The following DAPP1 variants were observed in gnomAD, a reference collection of about 807,000 sequenced individuals.
The protein encoded by DAPP1 is dual adapter for phosphotyrosine and 3-phosphotyrosine and 3-phosphoinositide.
In DAPP1, 20 loss-of-function variants were observed where a neutral mutation model predicts 41.5. That is an observed-to-expected ratio of 0.48 (90% CI 0.34 to 0.70). The LOEUF is 0.70. Ranked by LOEUF, DAPP1 falls within the 30% of genes least tolerant of loss-of-function variation. The probability of loss-of-function intolerance (pLI) is 0.01; values close to 1 mark genes in which losing one functional copy is unlikely to be tolerated. For synonymous variants in DAPP1, 113 were observed against 116.2 expected, an observed-to-expected ratio of 0.97 and a Z score of 0.18; for missense variants, 233 against 333.4, an observed-to-expected ratio of 0.70 and a Z score of 2.35.
At chr4:99,817,238 G>A (rs948029160) in intron 1 of DAPP1, among the ~76,000 whole-genome samples, 2 of 152,168 alleles carry the variant, frequency 1.3e-5, no homozygotes, top group African/African-American at 4.8e-5. Flanking sequence ...GTGAAAACAA[G>A]TTGGTTGAGA....
Position 99,835,763 on chromosome 4 carries a change from T to C in DAPP1, c.224+18T>C. ...TCTGTGAGGTAAGGTGCTTCAGGGC[T>C]CTACGACTTCAGCATGGGCTCCTCT... On this transcript the variant is annotated intron_variant, in intron 2 of 8. Transcript: ENST00000512369. 1.9e-6 allele frequency: 3 copies of C among 1,611,018 alleles called. No homozygotes were observed. Among genetic ancestry groups the C allele is most frequent in the Non-Finnish European group, 2.5e-6 (3 of 1,178,836 alleles).
At chr4:99,832,855 G>C (rs1364947711) in intron 1 of DAPP1, among the ~76,000 whole-genome samples, 1 of 147,520 alleles carries the variant, frequency 6.8e-6, no homozygotes, top group Admixed American at 6.8e-5. Context: ...GGAATTTTGC[G>C]AATCAAATAT....
At chr4:99,818,442 G>T (rs1449707401) in intron 1 of DAPP1, among the ~76,000 whole-genome samples, 1 of 152,188 alleles carries the variant, frequency 6.6e-6, no homozygotes, top group South Asian at 2.1e-4. Context: ...GGAGGAGATA[G>T]AGGAATATAT....
rs370408937 is a variant in DAPP1, at chr4:99,863,001, T to G, written c.538-9T>G. Reference sequence around the variant, plus strand: ...TCTGTGTGTTTGTGTGTGTGTGTGTTTTTCTCAGACCTGGAAAACAAGATG... The same window carrying G: ...TCTGTGTGTTTGTGTGTGTGTGTGTGTTTCTCAGACCTGGAAAACAAGATG... On this transcript the variant is annotated splice_polypyrimidine_tract_variant and intron_variant, in intron 5 of 8. Transcript: ENST00000512369. 46 of 1,585,330 alleles carry G rather than the reference T, an allele frequency of 2.9e-5. No homozygotes were observed. The African/African-American group carries it at 6.1e-4, about 21-fold the overall frequency.
Position 99,857,735 on chromosome 4 carries a change from CAT to C in DAPP1, c.490-3841_490-3840del, listed in dbSNP as rs543396105. On this transcript the variant is annotated intron_variant, in intron 4 of 8. Coordinates refer to ENST00000512369, the MANE Select transcript of DAPP1 (RefSeq NM_014395.3). ...ACACACACACACACACACACACACA[CAT>C]AAAATAATGAGCTCTTCATTGTAGA... 2.9e-4 allele frequency among the ~76,000 whole-genome samples: 42 copies of C among 145,366 alleles called. No homozygotes were observed. The East Asian group carries it at 7.8e-3, about 27-fold the overall frequency.
In DAPP1 at chr4:99,857,652, C is replaced by T. The variant is rs1478880346; in HGVS notation, c.490-3926C>T. On this transcript the variant is annotated intron_variant, in intron 4 of 8. Transcript: ENST00000512369. ...TCTTCTCAGGTTTAACATTTTGTTG[C>T]TTATCCTTTCAGTCTTTTACTTGAA... is the stretch of plus-strand genomic sequence containing the variant. 5.4e-5 allele frequency among the ~76,000 whole-genome samples: 8 copies of T among 148,312 alleles called. No individual in the cohort carries two copies. In the Admixed American group the frequency reaches 5.4e-4, roughly 10 times the overall value.
intron 4 of DAPP1, among the ~76,000 whole-genome samples, chr4:99,859,772 C>G (rs1293732721): frequency 6.6e-6 from 1 of 152,198 alleles, no homozygotes; most frequent in Non-Finnish European, 1.5e-5. Flanking sequence ...CAACTTGGCT[C>G]TGAAACTGTG....
intron 8 of DAPP1, chr4:99,866,766 ATTTTTTTTTTTT>A: frequency 2.7e-6 from 1 of 371,242 alleles, no homozygotes; most frequent in Non-Finnish European, 4.6e-6. Flanking sequence ...CTTTTTTTCT[ATTTTTTTTTTTT>A]TTTTTTTTTG....
At chr4:99,858,139 A>T (rs79997393) in intron 4 of DAPP1, among the ~76,000 whole-genome samples, 3,479 of 152,258 alleles carry the variant, frequency 0.023, 138 homozygotes, top group African/African-American at 0.079. Flanking sequence ...TCATCCACAG[A>T]TCTCATTCAA....
intron 1 of DAPP1, among the ~76,000 whole-genome samples, chr4:99,828,342 G>C (rs553096168): frequency 1.3e-5 from 2 of 152,170 alleles, no homozygotes; most frequent in Non-Finnish European, 2.9e-5. Flanking sequence ...CCTATAGAAA[G>C]ATAGGTGTTA....
chr4:99,829,763 A>T (rs1723058390), intron 1 of DAPP1, among the ~76,000 whole-genome samples: 1 of 151,996 alleles, frequency 6.6e-6, no homozygotes, highest in Non-Finnish European at 1.5e-5. Flanking sequence ...TTATCATTCC[A>T]TTCCCCCATA....
chr4:99,859,826 C>A (rs531039548), intron 4 of DAPP1, among the ~76,000 whole-genome samples: 135 of 152,324 alleles, frequency 8.9e-4, no homozygotes, highest in African/African-American at 3.2e-3. Context: ...GCCCTCCACA[C>A]CCTGCCAGGC....
At chr4:99,862,225 A>G (rs1218227986) in intron 5 of DAPP1, among the ~76,000 whole-genome samples, 1 of 152,182 alleles carries the variant, frequency 6.6e-6, no homozygotes, top group Non-Finnish European at 1.5e-5. Context: ...GCTTGGAATT[A>G]GCCTAAATAA....
At chr4:99,819,458 C>T (rs1313240592) in intron 1 of DAPP1, among the ~76,000 whole-genome samples, 1 of 152,176 alleles carries the variant, frequency 6.6e-6, no homozygotes, top group Non-Finnish European at 1.5e-5. Context: ...CCTGCAGCAC[C>T]TCACTGATAC....
In DAPP1 at chr4:99,868,122, A is replaced by C. The variant is rs867048585; in HGVS notation, c.780A>C (p.Gln260His). ...WIKILRWKLSQIRKQLNQGEG... is the reference protein window; with the variant it reads ...WIKILRWKLSHIRKQLNQGEG... ...GTGTGTGTACTTTATTACAGTCACA[A>C]ATAAGAAAACAGCTCAACCAAGGGG... Residue 260 changes from glutamine (Q) to histidine (H), a missense_variant, in exon 9 of 9, where the codon CAA becomes CAC. Gln to His is a conservative substitution (Grantham distance 24). Transcript: ENST00000512369. 6.2e-7 allele frequency: 1 copy of C among 1,613,836 alleles called. No homozygotes were observed.
At chr4:99,848,862 G>C (rs564602214) in intron 3 of DAPP1, among the ~76,000 whole-genome samples, 1 of 152,278 alleles carries the variant, frequency 6.6e-6, no homozygotes. Context: ...TCAGGTATTC[G>C]AGGGCCGGGC....
chr4:99,861,615 G>T lies in DAPP1; in HGVS notation c.527G>T (p.Gly176Val), dbSNP rs1400705615. Residue 176 changes from glycine to valine, a missense_variant, in exon 5 of 9, where the codon GGC becomes GTC. Physicochemically the swap from Gly to Val is moderately radical, Grantham distance 109. Transcript: ENST00000512369. Reference sequence around the variant, plus strand: ...GAAGGTTACCTCACCAAACAGGGAGGCCTGGTCAAGGTAAGGAAGTGTGGT... The same window carrying T: ...GAAGGTTACCTCACCAAACAGGGAGTCCTGGTCAAGGTAAGGAAGTGTGGT... ...TKEGYLTKQG[G>V]LVKTWKTRWF... is the part of the protein sequence containing the mutation. The T allele has an allele frequency of 6.4e-7, 1 of 1,573,458 alleles. No individual in the cohort carries two copies. The highest frequency in any genetic ancestry group is 8.6e-7 in the Non-Finnish European group (1 of 1,158,344).
chr4:99,846,619 A>G (rs1422124885), intron 3 of DAPP1, among the ~76,000 whole-genome samples: 1 of 152,250 alleles, frequency 6.6e-6, no homozygotes, highest in African/African-American at 2.4e-5. Context: ...AATAATAAAG[A>G]ATTAGTTTAG....
chr4:99,845,776 G>T (rs566755395), intron 3 of DAPP1, among the ~76,000 whole-genome samples: 2 of 152,280 alleles, frequency 1.3e-5, no homozygotes, highest in African/African-American at 4.8e-5. Context: ...AGGCTGAAAA[G>T]AAAACATCCC....
Sources: allele counts gnomAD v4.1 joint callset (sites outside exome capture counted in the v4.1 genomes callset), GRCh38; gene constraint gnomAD v4.1.1; transcripts MANE v1.5; gene names NCBI Gene and HGNC (gene_info 2026-07-23, HGNC 2026-07-21).